The following OR14L1 variants were observed in gnomAD, a reference collection of about 807,000 sequenced individuals.
OR14L1 encodes the protein olfactory receptor family 14 subfamily L member 1, also known as olfactory receptor 14L1.
chr1:247,619,866 C>T, the OR14L1 span: 4 of 152,168 alleles, frequency 2.6e-5, no homozygotes, highest in Non-Finnish European at 5.9e-5. Flanking sequence ...ACATCTCTGT[C>T]ACAATTCCAA....
At chr1:247,620,729 A>G in the OR14L1 span, 1 of 152,184 alleles carries the variant, frequency 6.6e-6, no homozygotes, top group Non-Finnish European at 1.5e-5. Context: ...CATACTAACC[A>G]TATTTGGGTG....
At chr1:247,618,278 AT>A in the OR14L1 span, among the ~76,000 whole-genome samples, 4 of 152,160 alleles carry the variant, frequency 2.6e-5, no homozygotes, top group Non-Finnish European at 2.9e-5. Context: ...AGAAGAAGAG[AT>A]TATATACAAA....
the OR14L1 span, among the ~76,000 whole-genome samples, chr1:247,619,183 A>G: frequency 3.3e-5 from 5 of 152,098 alleles, no homozygotes; most frequent in Non-Finnish European, 7.4e-5. Context: ...CTTTGATTTT[A>G]TTTTCATAAA....
the OR14L1 span, chr1:247,620,311 A>C: frequency 2.0e-5 from 3 of 152,126 alleles, no homozygotes; most frequent in Non-Finnish European, 4.4e-5. Context: ...TTTTTCTGTC[A>C]TCATGAGGAT....
At chr1:247,618,807 A>T in the OR14L1 span, among the ~76,000 whole-genome samples, 1,003 of 152,228 alleles carry the variant, frequency 6.6e-3, 12 homozygotes, top group African/African-American at 0.023. Context: ...TCTAAAAATC[A>T]TTCAGTAAAA....
the OR14L1 span, among the ~76,000 whole-genome samples, chr1:247,619,199 A>G: frequency 1.3e-5 from 2 of 152,208 alleles, no homozygotes; most frequent in African/African-American, 4.8e-5. Flanking sequence ...ATAAAACTGA[A>G]AAGAACTATG....
At chr1:247,617,394 G>A in the OR14L1 span, 5 of 152,132 alleles carry the variant, frequency 3.3e-5, no homozygotes, top group African/African-American at 1.2e-4. Context: ...TCAGCTCATA[G>A]CATGCAGTAA....
At chr1:247,617,517 G>C in the OR14L1 span, 1 of 152,160 alleles carries the variant, frequency 6.6e-6, no homozygotes, top group Non-Finnish European at 1.5e-5. Flanking sequence ...TATAGATTAA[G>C]CACAACACAT....
the OR14L1 span, among the ~76,000 whole-genome samples, chr1:247,617,693 G>GGTGTGTGTGTGTGT: frequency 7.6e-5 from 11 of 143,914 alleles, no homozygotes; most frequent in Non-Finnish European, 1.4e-4. Flanking sequence ...AGTGGTGAAA[G>GGTGTGTGTGTGTGT]GTGTGTGTGT....
chr1:247,620,288 C>T, the OR14L1 span: 1 of 151,894 alleles, frequency 6.6e-6, no homozygotes, highest in Non-Finnish European at 1.5e-5. Context: ...ATTACTCTCT[C>T]CTACATGTAC....
At chr1:247,620,159 T>C in the OR14L1 span, 4 of 152,198 alleles carry the variant, frequency 2.6e-5, no homozygotes, top group Non-Finnish European at 2.9e-5. Flanking sequence ...CGCAATAGAA[T>C]ACGTCAATTT....
chr1:247,619,635 G>A, the OR14L1 span: 9 of 151,970 alleles, frequency 5.9e-5, no homozygotes, highest in East Asian at 1.9e-4. Flanking sequence ...GAAATGGAAC[G>A]ACCACAAGTG....
the OR14L1 span, among the ~76,000 whole-genome samples, chr1:247,617,703 T>C: frequency 6.7e-6 from 1 of 148,890 alleles, no homozygotes. Context: ...GGTGTGTGTG[T>C]GTGTGTGCGT....
chr1:247,617,679 T>C, the OR14L1 span, among the ~76,000 whole-genome samples: 1 of 148,008 alleles, frequency 6.8e-6, no homozygotes, highest in South Asian at 2.2e-4. Context: ...CTATATTTCC[T>C]TTCAGTGGTG....
At chr1:247,617,422 G>C in the OR14L1 span, 1 of 152,068 alleles carries the variant, frequency 6.6e-6, no homozygotes, top group African/African-American at 2.4e-5. Flanking sequence ...ACCATAAGTG[G>C]AAAATAAAAC....
At chr1:247,619,634 C>T in the OR14L1 span, 7 of 151,984 alleles carry the variant, frequency 4.6e-5, no homozygotes, top group Non-Finnish European at 7.4e-5. Flanking sequence ...AGAAATGGAA[C>T]GACCACAAGT....
chr1:247,620,514 G>A, the OR14L1 span: 77 of 152,360 alleles, frequency 5.1e-4, no homozygotes, highest in African/African-American at 1.7e-3. Flanking sequence ...TCTATAGTCT[G>A]AGGAATAGGG....
chr1:247,618,203 G>T, the OR14L1 span, among the ~76,000 whole-genome samples: 1 of 151,928 alleles, frequency 6.6e-6, no homozygotes, highest in East Asian at 1.9e-4. Flanking sequence ...TTTCTTTCTC[G>T]GTTTAACTTT....
the OR14L1 span, chr1:247,621,407 A>G: frequency 2.0e-5 from 3 of 152,192 alleles, no homozygotes; most frequent in Non-Finnish European, 4.4e-5. Flanking sequence ...TTTAAATTGT[A>G]TTTTTAGTTG....
Sources: allele counts gnomAD v4.1 joint callset (sites outside exome capture counted in the v4.1 genomes callset), GRCh38; gene constraint gnomAD v4.1.1; transcripts MANE v1.5; gene names NCBI Gene and HGNC (gene_info 2026-07-23, HGNC 2026-07-21).